Variants in ZNF684 observed in about 807,000 individuals in gnomAD.
ZNF684 encodes hypothetical protein MGC27466.
ZNF684 carries 13 observed loss-of-function variants against 12.8 expected under a neutral mutation model. The ratio of observed to expected loss-of-function variants is 1.02; its 90% CI spans 0.66 to 1.62. ZNF684 has a LOEUF of 1.62. ZNF684 is among the 40% of genes most tolerant of loss of function. The probability of loss-of-function intolerance (pLI) is 0.00; values close to 1 mark genes in which losing one functional copy is unlikely to be tolerated. For missense variants in ZNF684, 384 were observed against 446.9 expected (o/e 0.86, Z 1.27); for synonymous variants, 118 against 151.8 (o/e 0.78, Z 1.64).
chr1:40,542,235 G>A (rs186205658), intron 4 of ZNF684, among the ~76,000 whole-genome samples: 17 of 152,134 alleles, frequency 1.1e-4, no homozygotes, highest in African/African-American at 4.1e-4. Context: ...TCAAATAGTT[G>A]GCAGATAGTA....
chr1:40,531,917 A>G (rs1645960260), intron 1 of ZNF684, 130 bp downstream of exon 1: 1 of 152,320 alleles, frequency 6.6e-6, no homozygotes, highest in Non-Finnish European at 1.5e-5. Flanking sequence ...GTCCTGTTCA[A>G]CTCGAGTAGC....
intron 1 of ZNF684, among the ~76,000 whole-genome samples, chr1:40,532,782 A>T (rs1645964764): frequency 6.6e-6 from 1 of 152,210 alleles, no homozygotes; most frequent in Non-Finnish European, 1.5e-5. Flanking sequence ...TTTTAGACTT[A>T]CGGAGCTTCA....
chr1:40,536,769 T>C (rs1040783607), intron 2 of ZNF684, among the ~76,000 whole-genome samples: 3 of 145,852 alleles, frequency 2.1e-5, no homozygotes, highest in Non-Finnish European at 4.5e-5. Flanking sequence ...CAGTGTTTGG[T>C]TTTTTGTTCT....
At chr1:40,538,940 C>A (rs1645999567) in intron 2 of ZNF684, among the ~76,000 whole-genome samples, 3 of 151,246 alleles carry the variant, frequency 2.0e-5, no homozygotes, top group Admixed American at 2.0e-4. Flanking sequence ...GTAATCCCAG[C>A]CTTTGGGAGG....
chr1:40,544,537 A>G, intron 4 of ZNF684: 1 of 278,694 alleles, frequency 3.6e-6, no homozygotes, highest in Non-Finnish European at 7.2e-6. Flanking sequence ...TTTTTAGTAG[A>G]GACACGGTTT....
At chr1:40,533,906 C>A (rs1220547302) in intron 2 of ZNF684, among the ~76,000 whole-genome samples, 1 of 149,622 alleles carries the variant, frequency 6.7e-6, no homozygotes, top group Non-Finnish European at 1.5e-5. Context: ...TCACTGCAAC[C>A]TCTACCTCCC....
rs775162477 is a variant in ZNF684 at position 40,539,372 on chromosome 1, CCTGTAGGCCCAGCTA to C, written c.16-1211_16-1197del. Among the ~76,000 whole-genome samples the C allele has an allele frequency of 1.8e-3, 270 of 152,230 alleles. 2 individuals are homozygous for C. Among genetic ancestry groups the C allele is most frequent in the Non-Finnish European group, 2.1e-3 (141 of 68,026 alleles). On this transcript the variant is annotated intron_variant, in intron 2 of 4. Transcript: ENST00000372699. ...AATTGCCTGGGTGTGGTGGCATGTGCCTGTAGGCCCAGCTACTTGAGAGGCTGAGGTAGGAAGATC... is the reference window on the plus strand; with the variant it reads ...AATTGCCTGGGTGTGGTGGCATGTGCCTTGAGAGGCTGAGGTAGGAAGATC...
intron 1 of ZNF684, among the ~76,000 whole-genome samples, chr1:40,532,067 T>C (rs1477883647): frequency 6.6e-6 from 1 of 152,150 alleles, no homozygotes; most frequent in East Asian, 1.9e-4. Flanking sequence ...TAACTGTACC[T>C]TTCCTGGTTC....
chr1:40,541,376 G>C (rs1451130579), intron 3 of ZNF684: 1 of 286,250 alleles, frequency 3.5e-6, no homozygotes, highest in Non-Finnish European at 7.1e-6. Context: ...GCAGAGACAG[G>C]GTCTCACTGT....
chr1:40,542,668 C>A (rs1246566892), intron 4 of ZNF684, among the ~76,000 whole-genome samples: 1 of 152,182 alleles, frequency 6.6e-6, no homozygotes, highest in Non-Finnish European at 1.5e-5. Flanking sequence ...TCTACCTGGC[C>A]TTCATGGTAA....
At position 40,546,719 on chromosome 1, in the gene ZNF684, A is replaced by G. The variant is rs771107980; in HGVS notation, c.396A>G (p.Ser132=). 38 of 1,613,946 alleles carry G rather than the reference A, an allele frequency of 2.4e-5. No individual in the cohort carries two copies. Among genetic ancestry groups the G allele is most frequent in the Non-Finnish European group, 1.5e-5 (18 of 1,180,010 alleles). ...GTCTTAATCCAATGAGAAAAAAATC[A>G]TATAAATCGTTTGAGAAGTGTTTGC... ...STSLNPMRKK[S]YKSFEKCLPP... Residue 132 remains serine (S), a synonymous_variant, in exon 5 of 5, where the codon TCA becomes TCG. Transcript: ENST00000372699.
At chr1:40,537,074 T>C (rs942433993) in intron 2 of ZNF684, among the ~76,000 whole-genome samples, 1 of 152,190 alleles carries the variant, frequency 6.6e-6, no homozygotes, top group African/African-American at 2.4e-5. Context: ...TTCTAGATCC[T>C]TGAGGAATCG....
intron 4 of ZNF684, among the ~76,000 whole-genome samples, chr1:40,543,581 C>T (rs143644475): frequency 0.01 from 1,526 of 152,004 alleles, 21 homozygotes; most frequent in African/African-American, 0.035. Context: ...CTCAGCCTCC[C>T]GAGTAGCTGG....
chr1:40,546,339 C>T (rs1395596365), intron 4 of ZNF684, among the ~76,000 whole-genome samples: 3 of 152,212 alleles, frequency 2.0e-5, no homozygotes, highest in African/African-American at 7.2e-5. Context: ...TTCGTACCCT[C>T]ACTCTACCTT....
chr1:40,545,822 A>C (rs1003076659), intron 4 of ZNF684, among the ~76,000 whole-genome samples: 2 of 150,366 alleles, frequency 1.3e-5, no homozygotes, highest in Non-Finnish European at 2.9e-5. Flanking sequence ...TTAATTATGT[A>C]GTGATTTATA....
chr1:40,535,786 T>C (rs1645980758), intron 2 of ZNF684, among the ~76,000 whole-genome samples: 1 of 152,164 alleles, frequency 6.6e-6, no homozygotes, highest in Non-Finnish European at 1.5e-5. Context: ...TATACATTCC[T>C]GGAATAAACC....
At chr1:40,540,459 A>T (rs1646008066) in intron 2 of ZNF684, 127 bp from the exon 3 acceptor site, 1 of 1,005,836 alleles carries the variant, frequency 9.9e-7, no homozygotes, top group Admixed American at 2.8e-5. Flanking sequence ...TCAAGCATGT[A>T]ATCATTATAA....
rs1389591019 is a variant in ZNF684, at chr1:40,540,572, A to G, written c.16-14A>G. On this transcript the variant is annotated splice_polypyrimidine_tract_variant and intron_variant, in intron 2 of 4. Coordinates refer to ENST00000372699, the MANE Select transcript of ZNF684 (RefSeq NM_152373.4). ...GATACACACTTTAGTTTGAAGATAAATGTGCTGTTACAGGAATCAGTGACA... is the reference window on the plus strand; with the variant it reads ...GATACACACTTTAGTTTGAAGATAAGTGTGCTGTTACAGGAATCAGTGACA... 2 of 1,582,994 alleles carry G rather than the reference A, an allele frequency of 1.3e-6. No individual in the cohort carries two copies. Among genetic ancestry groups the G allele is most frequent in the Admixed American group, 1.8e-5 (1 of 54,744 alleles).
In ZNF684 at chr1:40,544,471, C is replaced by G. The variant is rs1425437280; in HGVS notation, c.239-2091C>G. 1.3e-5 allele frequency: 5 copies of G among 370,692 alleles called. No homozygotes were observed. The Admixed American group carries it at 1.7e-4, about 12-fold the overall frequency. The allele number at this position is 370,692 out of a possible 1,614,324, so 23.0% of individuals were successfully genotyped here. On this transcript the variant is annotated intron_variant, in intron 4 of 4. Transcript: ENST00000372699. ...GGTTCAAGTGATTCTCCTACCTCAG[C>G]CTCCCGAAGAGCTGGAACTACAGGC... is the stretch of plus-strand genomic sequence containing the variant.
Sources: allele counts gnomAD v4.1 joint callset (sites outside exome capture counted in the v4.1 genomes callset), GRCh38; gene constraint gnomAD v4.1.1; transcripts MANE v1.5; gene names NCBI Gene and HGNC (gene_info 2026-07-23, HGNC 2026-07-21).